Variants in SNAP91 observed in about 807,000 individuals in gnomAD.
SNAP91 encodes the protein synaptosome associated protein 91.
SNAP91 carries 27 observed loss-of-function variants against 100.3 expected under a neutral mutation model. The ratio of observed to expected loss-of-function variants is 0.27; its 90% CI spans 0.20 to 0.37. The LOEUF is 0.37. Among genes scored for constraint, SNAP91 ranks in the 10% least tolerant of loss-of-function variants. SNAP91 has a pLI of 1.00. For missense variants in SNAP91, 986 were observed against 1,123.7 expected (o/e 0.88, Z 1.75); for synonymous variants, 404 against 398.6 (o/e 1.01, Z -0.16).
intron 2 of SNAP91, among the ~76,000 whole-genome samples, chr6:83,692,277 G>A (rs2099140846): frequency 1.3e-5 from 2 of 152,136 alleles, no homozygotes; most frequent in Admixed American, 6.5e-5. Flanking sequence ...GACTTTGGGA[G>A]GCCAAGGTGG....
intron 26 of SNAP91, among the ~76,000 whole-genome samples, chr6:83,566,305 C>T (rs1285378706): frequency 6.6e-6 from 1 of 152,032 alleles, no homozygotes; most frequent in Non-Finnish European, 1.5e-5. Flanking sequence ...TACTAAGAAT[C>T]ATTGAATTGT....
chr6:83,575,212 T>C (rs1816312039), intron 25 of SNAP91, 91 bp from the exon 26 acceptor site: 2 of 901,332 alleles, frequency 2.2e-6, no homozygotes, highest in African/African-American at 1.7e-5. Flanking sequence ...TTTATTTGGG[T>C]TTAAAAGCAG....
At chr6:83,694,442 A>G (rs1261055758) in intron 2 of SNAP91, among the ~76,000 whole-genome samples, 1 of 152,218 alleles carries the variant, frequency 6.6e-6, no homozygotes, top group African/African-American at 2.4e-5. Flanking sequence ...TTAAGCTTGT[A>G]GCATGCCACT....
At chr6:83,660,160 C>A (rs2098511256) in intron 5 of SNAP91, among the ~76,000 whole-genome samples, 1 of 152,076 alleles carries the variant, frequency 6.6e-6, no homozygotes, top group South Asian at 2.1e-4. Flanking sequence ...TACAGGGGTG[C>A]AGAAGTTTCT....
chr6:83,610,745 ATAAATATATATG>A (rs1321034613), intron 11 of SNAP91, 68 bp from the exon 12 acceptor site: 75 of 90,778 alleles, frequency 8.3e-4, no homozygotes, highest in African/African-American at 6.8e-3. Context: ...ATATATATAT[ATAAATATATATG>A]TGAATATATT....
intron 2 of SNAP91, among the ~76,000 whole-genome samples, chr6:83,704,081 T>C (rs1190049663): frequency 6.6e-6 from 1 of 152,128 alleles, no homozygotes; most frequent in Non-Finnish European, 1.5e-5. Context: ...CTTTTTACTT[T>C]ATTATTTGAC....
chr6:83,596,946 C>T (rs1054890649), intron 16 of SNAP91, among the ~76,000 whole-genome samples: 1 of 152,032 alleles, frequency 6.6e-6, no homozygotes, highest in African/African-American at 2.4e-5. Flanking sequence ...TACATTAGTG[C>T]CAGGGATCAA....
intron 28 of SNAP91, among the ~76,000 whole-genome samples, chr6:83,556,603 A>G (rs928666181): frequency 6.6e-6 from 1 of 152,228 alleles, no homozygotes; most frequent in African/African-American, 2.4e-5. Context: ...CCAGTAGAAC[A>G]ATATGGGTAT....
chr6:83,613,252 T>C (rs2096266622), intron 11 of SNAP91, among the ~76,000 whole-genome samples: 1 of 152,216 alleles, frequency 6.6e-6, no homozygotes, highest in Non-Finnish European at 1.5e-5. Context: ...CTTCACTAGA[T>C]ACTAAGTTTT....
At chr6:83,685,832 A>G (rs1226646593) in intron 2 of SNAP91, among the ~76,000 whole-genome samples, 1 of 152,214 alleles carries the variant, frequency 6.6e-6, no homozygotes, top group Non-Finnish European at 1.5e-5. Context: ...CTACAAAGAA[A>G]ATCCAGTCAT....
intron 8 of SNAP91, among the ~76,000 whole-genome samples, chr6:83,627,631 T>C (rs1341290654): frequency 6.6e-6 from 1 of 152,034 alleles, no homozygotes; most frequent in Non-Finnish European, 1.5e-5. Context: ...TTCTACTTTG[T>C]GTTCATAGAG....
Position 83,662,333 on chromosome 6 carries a change from A to ACAG in SNAP91, c.349+13_349+14insCTG. On this transcript the variant is annotated intron_variant, in intron 4 of 29. Coordinates refer to ENST00000369694, the MANE Select transcript of SNAP91 (RefSeq NM_001242792.2). ...AAGCATTGGCAAAAAATTATAAAAT[A>ACAG]CAAATATTCTCACCATGGGATCCAC... is the stretch of plus-strand genomic sequence containing the variant. 7.6e-7 allele frequency: 1 copy of ACAG among 1,310,454 alleles called. No individual in the cohort carries two copies. Among genetic ancestry groups the ACAG allele is most frequent in the South Asian group, 1.9e-5 (1 of 53,038 alleles). The allele number at this position is 1,310,454 out of a possible 1,614,324, so 81.2% of individuals were successfully genotyped here.
chr6:83,670,480 G>A (rs986518632), intron 2 of SNAP91, among the ~76,000 whole-genome samples: 13 of 151,206 alleles, frequency 8.6e-5, no homozygotes, highest in Admixed American at 4.0e-4. Flanking sequence ...CTAAATCTAT[G>A]GCTTCCCTTT....
At chr6:83,707,696 A>G in intron 2 of SNAP91, 102 bp downstream of exon 2, 1 of 1,461,026 alleles carries the variant, frequency 6.8e-7, no homozygotes, top group Non-Finnish European at 9.2e-7. Context: ...GGCTGGGAGT[A>G]TCAGAGGCCA....
At chr6:83,706,237 C>T (rs1349928709) in intron 2 of SNAP91, among the ~76,000 whole-genome samples, 4 of 152,134 alleles carry the variant, frequency 2.6e-5, no homozygotes, top group African/African-American at 9.7e-5. Context: ...ATAACCTATA[C>T]CTTTCTTATT....
At chr6:83,635,574 G>A (rs538166639) in intron 8 of SNAP91, among the ~76,000 whole-genome samples, 17 of 151,950 alleles carry the variant, frequency 1.1e-4, no homozygotes, top group South Asian at 2.1e-4. Context: ...GAGGCTATGC[G>A]TGTCATTACA....
chr6:83,556,397 A>AGAGAGAGAGAGAGAGAG (rs1562072085), intron 28 of SNAP91, among the ~76,000 whole-genome samples, 152 bp from the exon 29 acceptor site: 1 of 38,208 alleles, frequency 2.6e-5, no homozygotes, highest in Non-Finnish European at 4.8e-5. Flanking sequence ...GAGAGAGAGA[A>AGAGAGAGAGAGAGAGAG]AAGCATTAGG....
chr6:83,621,052 T>C (rs967813503), intron 9 of SNAP91, among the ~76,000 whole-genome samples: 3 of 72,858 alleles, frequency 4.1e-5, no homozygotes, highest in Non-Finnish European at 7.9e-5. Context: ...AAAAATCTTT[T>C]AGGGTTGGGG....
intron 11 of SNAP91, chr6:83,611,298 A>G (rs1471628685): frequency 3.1e-6 from 1 of 318,672 alleles, no homozygotes. Flanking sequence ...TAGGAAAAAA[A>G]CAGCAACTTC....
Sources: allele counts gnomAD v4.1 joint callset (sites outside exome capture counted in the v4.1 genomes callset), GRCh38; gene constraint gnomAD v4.1.1; transcripts MANE v1.5; gene names NCBI Gene and HGNC (gene_info 2026-07-23, HGNC 2026-07-21).